CUBN: variants seen among roughly 807,000 people sequenced by gnomAD.
CUBN encodes cubilin.
Under a neutral mutation model 405.3 loss-of-function variants are expected in CUBN, and 282 were observed. That is an observed-to-expected ratio of 0.70 (90% CI 0.63 to 0.77). The LOEUF (loss-of-function observed/expected upper bound fraction) is 0.77. Among genes scored for constraint, CUBN ranks in the 30% least tolerant of loss-of-function variants. The pLI is 0.00. For missense variants in CUBN, 4,514 were observed against 4,475.2 expected (o/e 1.01, Z -0.25); for synonymous variants, 1,684 against 1,617.0 (o/e 1.04, Z -0.99).
At chr10:17,083,548 C>CATACATACATACATACA (rs6143803) in intron 17 of CUBN, among the ~76,000 whole-genome samples, 1 of 152,052 alleles carries the variant, frequency 6.6e-6, no homozygotes, top group Non-Finnish European at 1.5e-5. Flanking sequence ...TACATACATA[C>CATACATACATACATACA]TGCTGTAGTG....
At chr10:17,004,531 C>G (rs978660828) in intron 28 of CUBN, among the ~76,000 whole-genome samples, 62 of 152,272 alleles carry the variant, frequency 4.1e-4, no homozygotes, top group African/African-American at 1.3e-3. Flanking sequence ...CTGGGATTTC[C>G]TATCTATGAA....
intron 19 of CUBN, 45 bp from the exon 20 acceptor site, chr10:17,068,815 T>C (rs779366208): frequency 5.1e-6 from 7 of 1,375,496 alleles, no homozygotes; most frequent in Non-Finnish European, 7.2e-6. Flanking sequence ...ATATCAATTT[T>C]GAAAACTGCT....
In CUBN at chr10:16,888,406, A is replaced by G; in HGVS notation, c.8905+11T>C. 1 of 1,609,546 alleles carries G rather than the reference A, an allele frequency of 6.2e-7. No homozygotes were observed. The highest frequency in any genetic ancestry group is 8.5e-7 in the Non-Finnish European group (1 of 1,176,164). ...CAATTAAACGTAATTTTTTTAAAAG[A>G]ATAAACTTACCTTCTAAGTGGAAGG... On this transcript the variant is annotated intron_variant, in intron 56 of 66. Transcript: ENST00000377833.
At chr10:17,128,510 C>G (rs1837250003) in intron 2 of CUBN, among the ~76,000 whole-genome samples, 1 of 152,178 alleles carries the variant, frequency 6.6e-6, no homozygotes, top group African/African-American at 2.4e-5. Flanking sequence ...TGTTCTGTGG[C>G]AAAAGCAAAC....
At chr10:16,940,885 T>G (rs558588395) in intron 36 of CUBN, among the ~76,000 whole-genome samples, 2 of 152,288 alleles carry the variant, frequency 1.3e-5, no homozygotes, top group African/African-American at 4.8e-5. Context: ...CAAAGGTGTA[T>G]GTACTTAATT....
At chr10:17,112,115 A>C (rs1836784506) in intron 8 of CUBN, among the ~76,000 whole-genome samples, 1 of 152,198 alleles carries the variant, frequency 6.6e-6, no homozygotes, top group Admixed American at 6.5e-5. Flanking sequence ...ATTGTATTCA[A>C]TGGTTGTAGA....
At chr10:16,893,333 A>C (rs1841086769) in intron 54 of CUBN, among the ~76,000 whole-genome samples, 1 of 152,174 alleles carries the variant, frequency 6.6e-6, no homozygotes, top group Admixed American at 6.5e-5. Flanking sequence ...ATACTATCAC[A>C]ACCAGGTTAC....
chr10:16,873,567 C>A (rs1482966639), intron 58 of CUBN, among the ~76,000 whole-genome samples: 1 of 151,692 alleles, frequency 6.6e-6, no homozygotes, highest in Non-Finnish European at 1.5e-5. Flanking sequence ...ACCAGAAATA[C>A]AAAACTGAGC....
intron 7 of CUBN, among the ~76,000 whole-genome samples, chr10:17,114,955 C>G (rs538965903): frequency 6.6e-6 from 1 of 152,108 alleles, no homozygotes; most frequent in South Asian, 2.1e-4. Context: ...AAAAATGGTC[C>G]CATTTCGGCC....
chr10:17,056,411 C>A (rs1258592660), intron 22 of CUBN, among the ~76,000 whole-genome samples: 1 of 152,052 alleles, frequency 6.6e-6, no homozygotes, highest in African/African-American at 2.4e-5. Context: ...GATATCGAGA[C>A]CATCTTGGCT....
chr10:16,970,274 G>A (rs915824419), intron 31 of CUBN, among the ~76,000 whole-genome samples: 1 of 152,204 alleles, frequency 6.6e-6, no homozygotes, highest in East Asian at 1.9e-4. Flanking sequence ...AGATATAGAA[G>A]TGAAAGTGGG....
At position 16,828,946 on chromosome 10, in the gene CUBN, A is replaced by G. The variant is rs763647473; in HGVS notation, c.10623T>C (p.Leu3541=). The G allele has an allele frequency of 2.5e-6, 4 of 1,614,140 alleles. No homozygotes were observed. The highest frequency in any genetic ancestry group is 1.1e-5 in the South Asian group (1 of 91,082). ...YPNNTYCEWV[L]VAPAGRLVTI... ...TGACAAGCCTTCCAGCAGGAGCAAC[A>G]AGGACCCACTCGCAGTACGTGTTGT... The change falls in exon 66 of 67, where the codon CTT becomes CTC. Residue 3541 remains leucine, a synonymous_variant. Coordinates refer to ENST00000377833, the MANE Select transcript of CUBN (RefSeq NM_001081.4).
At chr10:17,120,833 G>A (rs745839810) in intron 6 of CUBN, among the ~76,000 whole-genome samples, 1 of 152,170 alleles carries the variant, frequency 6.6e-6, no homozygotes, top group Non-Finnish European at 1.5e-5. Flanking sequence ...TGGCCCACAA[G>A]ACTCCAAAAG....
At position 16,862,313 on chromosome 10, in the gene CUBN, C is replaced by T. The variant is rs703073; in HGVS notation, c.9454+7323G>A. On this transcript the variant is annotated intron_variant, in intron 59 of 66. Transcript: ENST00000377833. ...AAGCCTGGCTTTACCTCTTACAAAC[C>T]CTTTGGACCACAGACAAATTACTTA... Among the ~76,000 whole-genome samples the T allele has an allele frequency of 6.3e-3, 954 of 152,202 alleles. 3 individuals are homozygous for T. Among genetic ancestry groups the T allele is most frequent in the Non-Finnish European group, 0.01 (685 of 68,004 alleles).
intron 6 of CUBN, among the ~76,000 whole-genome samples, chr10:17,120,727 A>T (rs540050020): frequency 1.0e-3 from 159 of 152,274 alleles, no homozygotes; most frequent in Middle Eastern, 3.4e-3. Flanking sequence ...TTTGTTTTTC[A>T]TTTTGCAGGG....
intron 32 of CUBN, 129 bp from the exon 33 acceptor site, chr10:16,952,518 T>C: frequency 1.5e-6 from 1 of 687,510 alleles, no homozygotes; most frequent in Non-Finnish European, 2.7e-6. Flanking sequence ...GCCAAGAAAG[T>C]TCTCCATAAG....
rs1429670873 is a variant in CUBN, at chr10:17,115,051, C to T, written c.720+420G>A. On this transcript the variant is annotated intron_variant, in intron 7 of 66. Transcript: ENST00000377833. The stretch of plus-strand genomic sequence containing the variant: ...CTGAGGTCAGGAGTTCGAGATCATC[C>T]TGGCCAACATGGCAAAACCCCGTCT... Among the ~76,000 whole-genome samples, 3 of 152,016 alleles carry T rather than the reference C, an allele frequency of 2.0e-5. No individual in the cohort carries two copies. The East Asian group carries it at 5.8e-4, about 29-fold the overall frequency.
chr10:16,876,238 G>C (rs554186338), intron 57 of CUBN, among the ~76,000 whole-genome samples: 2 of 152,294 alleles, frequency 1.3e-5, no homozygotes, highest in East Asian at 3.9e-4. Flanking sequence ...CTATTAGATA[G>C]TGCATAAATA....
At chr10:16,835,331 T>C (rs755380998) in intron 63 of CUBN, 136 bp from the exon 64 acceptor site, 50 of 772,282 alleles carry the variant, frequency 6.5e-5, no homozygotes, top group Admixed American at 2.3e-4. Flanking sequence ...TCGTTTACCT[T>C]TGAGATAATT....
Sources: gnomAD v4.1 joint callset for allele counts (sites outside exome capture counted in the v4.1 genomes callset) on GRCh38, gnomAD v4.1.1 for gene constraint, MANE v1.5 for transcripts, NCBI Gene and HGNC (gene_info 2026-07-23, HGNC 2026-07-21) for gene names.